The following TMPRSS7 variants were observed in gnomAD, a reference collection of about 807,000 sequenced individuals.
TMPRSS7 encodes the protein transmembrane serine protease 7.
Under a neutral mutation model 95.6 loss-of-function variants are expected in TMPRSS7, and 81 were observed. The observed-to-expected ratio is 0.85, with a 90% confidence interval of 0.71 to 1.02. The LOEUF (loss-of-function observed/expected upper bound fraction) is 1.02. TMPRSS7 is among the 50% of genes least tolerant of loss of function. The pLI is 0.00. For missense variants in TMPRSS7, 945 were observed against 955.2 expected, an observed-to-expected ratio of 0.99 and a Z score of 0.14; for synonymous variants, 364 against 337.8, an observed-to-expected ratio of 1.08 and a Z score of -0.85.
intron 7 of TMPRSS7, 24 bp from the exon 8 acceptor site, chr3:112,049,820 T>G (rs750009508): frequency 2.0e-5 from 30 of 1,499,612 alleles, no homozygotes; most frequent in Non-Finnish European, 2.7e-5. Flanking sequence ...ATTCATGTAC[T>G]TTTGTTTTAT....
chr3:112,069,096 A>G (rs1379265691), intron 13 of TMPRSS7, among the ~76,000 whole-genome samples: 1 of 152,132 alleles, frequency 6.6e-6, no homozygotes, highest in Non-Finnish European at 1.5e-5. Flanking sequence ...GGTTTTTGTC[A>G]TTGGTTCTGT....
exon 5 of TMPRSS7, chr3:112,045,851 T>C: frequency 6.4e-7 from 1 of 1,551,856 alleles, no homozygotes; most frequent in South Asian, 1.2e-5. Context: ...GCCGCCATCT[T>C]GAAGGACTCC....
At chr3:112,047,224 G>A (rs1398522514) in intron 6 of TMPRSS7, among the ~76,000 whole-genome samples, 2 of 152,124 alleles carry the variant, frequency 1.3e-5, no homozygotes, top group East Asian at 1.9e-4. Flanking sequence ...TTGAGTCTAG[G>A]ATCTAAAATA....
At chr3:112,075,201 G>A in intron 14 of TMPRSS7, 120 bp from the exon 15 acceptor site, 2 of 992,892 alleles carry the variant, frequency 2.0e-6, no homozygotes, top group Non-Finnish European at 2.8e-6. Context: ...CTGTCCTCTA[G>A]ATAAGGAGAT....
rs1161735611 is a variant in TMPRSS7 at position 112,054,729 on chromosome 3, CTTTTTTTTTTT to C, written c.1204-2277_1204-2267del. ...AACATATTTACTATCTCTCAGTTTG[CTTTTTTTTTTT>C]TTTTTTTTTTTTTTTTTTGAGACGG... On this transcript the variant is annotated intron_variant, in intron 9 of 17. Transcript: ENST00000452346. 7.8e-3 allele frequency among the ~76,000 whole-genome samples: 381 copies of C among 49,012 alleles called. 1 individual carries two copies. Among genetic ancestry groups the C allele is most frequent in the African/African-American group, 0.026 (337 of 13,008 alleles). The allele number at this position is 49,012 out of a possible 152,430, so 32.2% of individuals were successfully genotyped here. A position where few individuals can be genotyped will look rare whatever the true frequency, so the allele number is the denominator to read the frequency against.
exon 11 of TMPRSS7, chr3:112,061,893 G>A (rs948262927): frequency 1.9e-6 from 3 of 1,610,664 alleles, no homozygotes; most frequent in African/African-American, 1.3e-5. Flanking sequence ...GCCACTTTTG[G>A]CAGAATATGG....
At chr3:112,074,209 T>G (rs2073686387) in intron 13 of TMPRSS7, 87 bp from the exon 14 acceptor site, 2 of 903,510 alleles carry the variant, frequency 2.2e-6, no homozygotes, top group African/African-American at 3.4e-5. Context: ...CCATTTTTTA[T>G]GGGGTTTGGA....
chr3:112,047,613 C>A (rs2073295787), intron 6 of TMPRSS7, 126 bp from the exon 7 acceptor site: 2 of 706,386 alleles, frequency 2.8e-6, no homozygotes, highest in East Asian at 2.7e-5. Context: ...GGGAAGTGGA[C>A]CTAGGCTGGC....
At chr3:112,060,009 A>G (rs1401907612) in intron 10 of TMPRSS7, among the ~76,000 whole-genome samples, 2 of 152,162 alleles carry the variant, frequency 1.3e-5, no homozygotes, top group Admixed American at 6.5e-5. Context: ...TTGAGAAATA[A>G]AGGGACAGAG....
chr3:112,048,532 G>T (rs1280652230), intron 7 of TMPRSS7, among the ~76,000 whole-genome samples: 1 of 152,086 alleles, frequency 6.6e-6, no homozygotes, highest in African/African-American at 2.4e-5. Flanking sequence ...CTTAATAGTA[G>T]ATATTTATTT....
At chr3:112,072,062 G>T (rs2073655026) in intron 13 of TMPRSS7, among the ~76,000 whole-genome samples, 1 of 152,158 alleles carries the variant, frequency 6.6e-6, no homozygotes, top group Non-Finnish European at 1.5e-5. Context: ...TTCTGCTCTG[G>T]TTTCTCCCCA....
intron 14 of TMPRSS7, 24 bp from the exon 15 acceptor site, chr3:112,075,297 T>A (rs1197875147): frequency 1.4e-6 from 2 of 1,382,008 alleles, no homozygotes; most frequent in Admixed American, 5.8e-5. Context: ...TACCTTTAAA[T>A]CACATGCCCT....
intron 13 of TMPRSS7, among the ~76,000 whole-genome samples, chr3:112,070,185 C>T (rs1373716010): frequency 1.4e-4 from 21 of 152,074 alleles, no homozygotes; most frequent in Admixed American, 1.4e-3. Flanking sequence ...GCACTGTGGT[C>T]TATGAGAGAC....
At chr3:112,043,867 C>A (rs2073242234) in intron 3 of TMPRSS7, among the ~76,000 whole-genome samples, 1 of 152,114 alleles carries the variant, frequency 6.6e-6, no homozygotes, top group Non-Finnish European at 1.5e-5. Context: ...AGAATATGGT[C>A]GACGCTGGTG....
At chr3:112,053,425 T>G (rs945253146) in intron 9 of TMPRSS7, among the ~76,000 whole-genome samples, 1 of 152,190 alleles carries the variant, frequency 6.6e-6, no homozygotes, top group Non-Finnish European at 1.5e-5. Flanking sequence ...CAAGCTCTCT[T>G]GTCCACTCAA....
At chr3:112,078,922 C>T (rs1169101716) in intron 17 of TMPRSS7, 44 bp downstream of exon 17, 2 of 1,600,084 alleles carry the variant, frequency 1.2e-6, no homozygotes, top group East Asian at 4.5e-5. Flanking sequence ...TTGTGCTTTC[C>T]ATAAATGCTT....
chr3:112,066,287 A>T lies in TMPRSS7; in HGVS notation c.1556-105A>T. The T allele has an allele frequency of 4.5e-6, 4 of 888,788 alleles. No individual in the cohort carries two copies. In the Admixed American group the frequency reaches 6.5e-5, roughly 14 times the overall value. 55.1% of individuals were successfully genotyped at this position (888,788 alleles called of 1,614,324 possible). Reference sequence around the variant, plus strand: ...GAGGAAAATACACTTTTTGTTTTATAGGTCATCCTAATGATTTGTACCTTG... The same window carrying T: ...GAGGAAAATACACTTTTTGTTTTATTGGTCATCCTAATGATTTGTACCTTG... On this transcript the variant is annotated intron_variant, in intron 12 of 17. Transcript: ENST00000452346.
intron 13 of TMPRSS7, among the ~76,000 whole-genome samples, chr3:112,072,656 C>T (rs1186802520): frequency 6.6e-6 from 1 of 152,236 alleles, no homozygotes; most frequent in Non-Finnish European, 1.5e-5. Flanking sequence ...GCTTTGTTTA[C>T]CTACTCAAGC....
intron 10 of TMPRSS7, among the ~76,000 whole-genome samples, chr3:112,058,251 A>C (rs1428462167): frequency 1.3e-5 from 2 of 152,200 alleles, no homozygotes; most frequent in African/African-American, 4.8e-5. Context: ...CTTCATTGGA[A>C]TAGGCTTTAT....
Sources: gnomAD v4.1 joint callset for allele counts (sites outside exome capture counted in the v4.1 genomes callset) on GRCh38, gnomAD v4.1.1 for gene constraint, MANE v1.5 for transcripts, NCBI Gene and HGNC (gene_info 2026-07-23, HGNC 2026-07-21) for gene names.